VPS8: variants seen among roughly 807,000 people sequenced by gnomAD.
The protein encoded by VPS8 is vacuolar protein sorting-associated protein 8 homolog.
In VPS8, 129 loss-of-function variants were observed where a neutral mutation model predicts 216.4. The observed-to-expected ratio is 0.60, with a 90% CI of 0.52 to 0.69. The LOEUF (loss-of-function observed/expected upper bound fraction) is 0.69, where lower values mean the gene tolerates loss of function less well. Ranked by LOEUF, VPS8 falls within the 30% of genes least tolerant of loss-of-function variation. The pLI is 0.00. For missense variants in VPS8, 1,531 were observed against 1,683.5 expected, an observed-to-expected ratio of 0.91 and a Z score of 1.59; for synonymous variants, 571 against 565.4, an observed-to-expected ratio of 1.01 and a Z score of -0.14.
At chr3:184,832,634 C>G (rs533408088) in intron 3 of VPS8, 55 bp from the exon 4 acceptor site, 7 of 1,503,812 alleles carry the variant, frequency 4.7e-6, no homozygotes, top group African/African-American at 2.8e-5. Context: ...ATGCCTGACT[C>G]ATTTCATAGA....
intron 40 of VPS8, among the ~76,000 whole-genome samples, chr3:184,973,371 A>T (rs1432819774): frequency 6.6e-6 from 1 of 152,220 alleles, no homozygotes; most frequent in Non-Finnish European, 1.5e-5. Flanking sequence ...AAATGTATGT[A>T]TATTACTCAG....
chr3:185,009,088 G>A (rs1189817792), intron 45 of VPS8, among the ~76,000 whole-genome samples: 1 of 152,194 alleles, frequency 6.6e-6, no homozygotes, highest in African/African-American at 2.4e-5. Context: ...ATTTTCCAGA[G>A]CTGTATAGCA....
chr3:185,040,365 A>G (rs934952216), intron 46 of VPS8, among the ~76,000 whole-genome samples: 2 of 152,186 alleles, frequency 1.3e-5, no homozygotes, highest in African/African-American at 4.8e-5. Flanking sequence ...TCTAACTAAG[A>G]TAATTCTTCC....
chr3:184,912,261 C>T (rs1253371277), intron 25 of VPS8, among the ~76,000 whole-genome samples: 1 of 152,148 alleles, frequency 6.6e-6, no homozygotes, highest in Non-Finnish European at 1.5e-5. Flanking sequence ...TCAGGTACAA[C>T]AGTAAAGTAA....
At chr3:184,871,389 A>G (rs555397815) in intron 21 of VPS8, among the ~76,000 whole-genome samples, 2 of 152,202 alleles carry the variant, frequency 1.3e-5, no homozygotes, top group Non-Finnish European at 2.9e-5. Flanking sequence ...CCCCATTCCT[A>G]CTACTCCCTT....
At chr3:184,882,488 C>T in intron 21 of VPS8, 1 of 404,332 alleles carries the variant, frequency 2.5e-6, no homozygotes. Context: ...TTGTGAAGGA[C>T]TTTTACATCT....
chr3:184,909,819 A>G (rs938857317), intron 25 of VPS8, among the ~76,000 whole-genome samples: 11 of 152,300 alleles, frequency 7.2e-5, no homozygotes, highest in Admixed American at 1.3e-4. Context: ...TTTGGACTGT[A>G]TCTGGATATT....
intron 47 of VPS8, among the ~76,000 whole-genome samples, chr3:185,050,748 G>A (rs1714040877): frequency 6.6e-6 from 1 of 152,164 alleles, no homozygotes; most frequent in African/African-American, 2.4e-5. Flanking sequence ...TGGAGTGTTT[G>A]GTAGACACAG....
chr3:184,834,537 A>G (rs4686792), intron 4 of VPS8, 112 bp from the exon 5 acceptor site: 62,287 of 780,836 alleles, frequency 0.08, 2,916 homozygotes, highest in Non-Finnish European at 0.09. Flanking sequence ...AACAAATTAC[A>G]TACAATGTTG....
intron 46 of VPS8, among the ~76,000 whole-genome samples, chr3:185,047,629 C>G (rs1487051936): frequency 6.6e-6 from 1 of 152,172 alleles, no homozygotes; most frequent in Non-Finnish European, 1.5e-5. Flanking sequence ...GTAAGAAAAG[C>G]TAGCGTATAC....
chr3:184,882,940 G>A (rs1382786955), intron 21 of VPS8, among the ~76,000 whole-genome samples: 2 of 151,930 alleles, frequency 1.3e-5, no homozygotes, highest in African/African-American at 4.8e-5. Flanking sequence ...CTTATTCTTT[G>A]TCAGTCTTGC....
At chr3:184,929,066 A>G (rs901744543) in intron 32 of VPS8, among the ~76,000 whole-genome samples, 16 of 152,176 alleles carry the variant, frequency 1.1e-4, no homozygotes, top group Non-Finnish European at 2.9e-5. Context: ...CAGCATTGAA[A>G]TTTTTTATAA....
chr3:185,014,401 A>G (rs1195108606), intron 45 of VPS8, among the ~76,000 whole-genome samples: 3 of 152,168 alleles, frequency 2.0e-5, no homozygotes, highest in Non-Finnish European at 4.4e-5. Flanking sequence ...CTTCCTCGGC[A>G]TCTGGCTCAT....
chr3:184,877,661 G>A (rs1729515620), intron 21 of VPS8, among the ~76,000 whole-genome samples: 1 of 152,118 alleles, frequency 6.6e-6, no homozygotes, highest in African/African-American at 2.4e-5. Flanking sequence ...CCGGTGAATA[G>A]AACCACCATA....
rs1740465371 is a variant in VPS8 at position 184,930,415 on chromosome 3, G to A, written c.2800-55G>A. 4 of 1,288,088 alleles carry A rather than the reference G, an allele frequency of 3.1e-6. No homozygotes were observed. In the South Asian group the frequency reaches 5.0e-5, roughly 16 times the overall value. The allele number at this position is 1,288,088 out of a possible 1,614,324, so 79.8% of individuals were successfully genotyped here. On this transcript the variant is annotated intron_variant, in intron 33 of 47. Transcript: ENST00000625842. ...TTTACCAAGACTGGTTCAGTTGGTA[G>A]GGACTAAATCTTGAGTGAGTGAATG... is the stretch of plus-strand genomic sequence containing the variant.
chr3:184,926,127 A>G (rs990265313), intron 30 of VPS8, among the ~76,000 whole-genome samples: 1 of 149,884 alleles, frequency 6.7e-6, no homozygotes, highest in African/African-American at 2.4e-5. Context: ...TGTAATCCCA[A>G]CACTTTGGGA....
chr3:184,999,120 C>T (rs569582975), intron 44 of VPS8, among the ~76,000 whole-genome samples: 120 of 152,094 alleles, frequency 7.9e-4, no homozygotes, highest in African/African-American at 2.7e-3. Context: ...TGCAGTGGCA[C>T]GATCTTGGCT....
intron 45 of VPS8, among the ~76,000 whole-genome samples, chr3:185,020,132 A>G (rs986615326): frequency 6.6e-6 from 1 of 152,216 alleles, no homozygotes; most frequent in Non-Finnish European, 1.5e-5. Flanking sequence ...AATATTATAT[A>G]TGAGGATACA....
chr3:184,966,103 T>C (rs942980572), intron 38 of VPS8, among the ~76,000 whole-genome samples: 2 of 152,178 alleles, frequency 1.3e-5, no homozygotes, highest in Non-Finnish European at 2.9e-5. Context: ...TAGCATCTGC[T>C]TCTGGTGAGG....
Sources: gnomAD v4.1 joint callset for allele counts (sites outside exome capture counted in the v4.1 genomes callset) on GRCh38, gnomAD v4.1.1 for gene constraint, MANE v1.5 for transcripts, NCBI Gene and HGNC (gene_info 2026-07-23, HGNC 2026-07-21) for gene names.